KCNK9: variants seen among roughly 807,000 people sequenced by gnomAD.
KCNK9 encodes potassium two pore domain channel subfamily K member 9.
KCNK9 carries 1 observed loss-of-function variant against 10.8 expected under a neutral mutation model. The observed-to-expected ratio is 0.09, with a 90% CI of 0.03 to 0.44. The LOEUF is 0.44. Among genes scored for constraint, KCNK9 ranks in the 20% least tolerant of loss-of-function variants. KCNK9 has a pLI of 0.97. For synonymous variants in KCNK9, 231 were observed against 222.7 expected (o/e 1.04, Z -0.33); for missense variants, 303 against 515.0 (o/e 0.59, Z 3.98).
chr8:139,630,317 G>A (rs1339930022), intron 1 of KCNK9, among the ~76,000 whole-genome samples: 1 of 152,148 alleles, frequency 6.6e-6, no homozygotes, highest in Admixed American at 6.5e-5. Context: ...AGGCTTTGTG[G>A]GCGCTGGAAG....
chr8:139,620,727 T>G (rs755962039), intron 1 of KCNK9, among the ~76,000 whole-genome samples: 1 of 152,166 alleles, frequency 6.6e-6, no homozygotes, highest in Non-Finnish European at 1.5e-5. Flanking sequence ...CAATCCCAGC[T>G]AGCGCTGAGC....
At chr8:139,657,960 A>T (rs1232638645) in intron 1 of KCNK9, among the ~76,000 whole-genome samples, 1 of 152,164 alleles carries the variant, frequency 6.6e-6, no homozygotes, top group Non-Finnish European at 1.5e-5. Flanking sequence ...GGACAGGCAG[A>T]GGAGATGACA....
intron 1 of KCNK9, among the ~76,000 whole-genome samples, chr8:139,681,009 G>A (rs557741104): frequency 6.2e-4 from 95 of 152,242 alleles, no homozygotes; most frequent in African/African-American, 2.0e-3. Context: ...TGTGGCTTTC[G>A]TGTCTGCTCT....
chr8:139,662,079 G>A (rs546792886), intron 1 of KCNK9, among the ~76,000 whole-genome samples: 10 of 152,278 alleles, frequency 6.6e-5, no homozygotes, highest in East Asian at 1.9e-4. Flanking sequence ...CTTCCCCAGC[G>A]CCTGCCTAGC....
rs150148428 is a variant in KCNK9 at position 139,677,856 on chromosome 8, C to T, written c.283+24854G>A. Among the ~76,000 whole-genome samples, 41 of 47,312 alleles carry T rather than the reference C, an allele frequency of 8.7e-4. 1 individual carries two copies. The highest frequency in any genetic ancestry group is 1.9e-3 in the African/African-American group (38 of 20,228). 31.0% of individuals were successfully genotyped at this position (47,312 alleles called of 152,430 possible). A position where few individuals can be genotyped will look rare whatever the true frequency, so the allele number is the denominator to read the frequency against. ...TGCAGAGTAGTACCTCACATCCCAG[C>T]CCAAGGGGTCCCCATGGCTGCAGAG... On this transcript the variant is annotated intron_variant, in intron 1 of 1. Coordinates refer to ENST00000520439, the MANE Select transcript of KCNK9 (RefSeq NM_001282534.2).
chr8:139,602,748 C>T (rs141877290), intron 2 of KCNK9, among the ~76,000 whole-genome samples: 1 of 152,316 alleles, frequency 6.6e-6, no homozygotes, highest in African/African-American at 2.4e-5. Context: ...TGATACTGCT[C>T]ATCGTGCAGC....
intron 1 of KCNK9, among the ~76,000 whole-genome samples, chr8:139,653,183 C>G (rs1563736563): frequency 6.6e-6 from 1 of 152,204 alleles, no homozygotes; most frequent in Non-Finnish European, 1.5e-5. Context: ...CTGTCAGCCT[C>G]TGGTTCCAGA....
At chr8:139,668,404 A>G (rs75389200) in intron 1 of KCNK9, among the ~76,000 whole-genome samples, 2,844 of 150,464 alleles carry the variant, frequency 0.019, 101 homozygotes, top group African/African-American at 0.066. Context: ...AACAGACTGT[A>G]GTATAGTGTA....
chr8:139,687,253 T>A (rs1816809360), intron 1 of KCNK9, among the ~76,000 whole-genome samples: 1 of 151,638 alleles, frequency 6.6e-6, no homozygotes, highest in South Asian at 2.1e-4. Context: ...GACATGGGGC[T>A]AAGGGGCTGG....
chr8:139,607,547 C>T (rs1187333446), intron 2 of KCNK9, among the ~76,000 whole-genome samples: 1 of 152,216 alleles, frequency 6.6e-6, no homozygotes, highest in Non-Finnish European at 1.5e-5. Flanking sequence ...ACCCACACCA[C>T]TGTCCAGGCA....
downstream of KCNK9, among the ~76,000 whole-genome samples, chr8:139,614,880 C>A (rs1814533598): frequency 6.6e-6 from 1 of 152,200 alleles, no homozygotes; most frequent in Non-Finnish European, 1.5e-5. Context: ...TCCCTAAATA[C>A]CTACAAGGCA....
intron 2 of KCNK9, among the ~76,000 whole-genome samples, chr8:139,604,123 A>G (rs1298903050): frequency 6.6e-6 from 1 of 152,210 alleles, no homozygotes; most frequent in Non-Finnish European, 1.5e-5. Flanking sequence ...GAAGGATGCA[A>G]GAGCCTCCCT....
At position 139,683,621 on chromosome 8, in the gene KCNK9, G is replaced by A. The variant is rs183059923; in HGVS notation, c.283+19089C>T. On this transcript the variant is annotated intron_variant, in intron 1 of 1. Transcript: ENST00000520439. The stretch of plus-strand genomic sequence containing the variant: ...TGCCCGAGGGGTTGGAGTTGACCAC[G>A]GGTTACCAGGTCACATCCAGGACAC... Among the ~76,000 whole-genome samples the A allele has an allele frequency of 5.3e-5, 8 of 152,322 alleles. No homozygotes were observed. The East Asian group carries it at 9.6e-4, about 18-fold the overall frequency.
intron 1 of KCNK9, among the ~76,000 whole-genome samples, chr8:139,648,977 TCTG>T (rs1361788218): frequency 2.3e-4 from 35 of 152,318 alleles, no homozygotes; most frequent in African/African-American, 8.2e-4. Context: ...AGAAATTACT[TCTG>T]TTGATTTTCA....
chr8:139,618,292 T>C lies in KCNK9; in HGVS notation c.1091A>G (p.His364Arg), dbSNP rs768990047. 9 of 1,614,118 alleles carry C rather than the reference T, an allele frequency of 5.6e-6. No homozygotes were observed. The South Asian group carries it at 9.9e-5, about 18-fold the overall frequency. ...CTTCCGGCGTTTCATCAGCCTCTGGTGGTCGGTAAAGCTGTGTAACCCAGG... is the reference window on the plus strand; with the variant it reads ...CTTCCGGCGTTTCATCAGCCTCTGGCGGTCGGTAAAGCTGTGTAACCCAGG... ...ISPGLHSFTD[H>R]QRLMKRRKSV Residue 364 changes from histidine (H) to arginine (R), a missense_variant, in exon 2 of 2, where the codon CAC becomes CGC. His to Arg is a conservative substitution (Grantham distance 29, BLOSUM62 0). Transcript: ENST00000520439. The surrounding 1 kb of genome is among the most constrained non-coding windows in gnomAD (Gnocchi z 7.9).
intron 1 of KCNK9, among the ~76,000 whole-genome samples, chr8:139,677,665 T>C (rs72681285): frequency 2.3e-4 from 33 of 145,316 alleles, no homozygotes; most frequent in African/African-American, 6.2e-4. Flanking sequence ...TGCAGAGTAA[T>C]ACCTCGAGTC....
chr8:139,659,847 C>G lies in KCNK9; in HGVS notation c.284-40748G>C, dbSNP rs138672911. On this transcript the variant is annotated intron_variant, in intron 1 of 1. Transcript: ENST00000520439. ...TATTCTTACGAGATAAAGCAAGAGA[C>G]AGAACAATGATCAAGTATACTGCCT... Among the ~76,000 whole-genome samples, 27 of 151,974 alleles carry G rather than the reference C, an allele frequency of 1.8e-4. No homozygotes were observed. The East Asian group carries it at 5.0e-3, about 28-fold the overall frequency.
chr8:139,679,405 C>G (rs1338030344), intron 1 of KCNK9, among the ~76,000 whole-genome samples: 1 of 152,234 alleles, frequency 6.6e-6, no homozygotes, highest in Non-Finnish European at 1.5e-5. Flanking sequence ...CCCAGGAGCC[C>G]TGCCAGCCGG....
intron 1 of KCNK9, among the ~76,000 whole-genome samples, chr8:139,679,505 G>C (rs910415844): frequency 2.6e-5 from 4 of 152,238 alleles, no homozygotes; most frequent in Admixed American, 1.3e-4. Context: ...CGATCATTCA[G>C]CCCAGGGCCT....
Sources: allele counts gnomAD v4.1 joint callset (sites outside exome capture counted in the v4.1 genomes callset), GRCh38; gene constraint gnomAD v4.1.1; non-coding constraint Gnocchi (gnomAD v3.1); transcripts MANE v1.5; gene names NCBI Gene and HGNC (gene_info 2026-07-23, HGNC 2026-07-21).